FBXL7: variants seen among roughly 807,000 people sequenced by gnomAD.
FBXL7 encodes the protein F-box/LRR-repeat protein 7.
A neutral mutation model predicts 38.3 loss-of-function variants in FBXL7; 12 were observed. The ratio of observed to expected loss-of-function variants is 0.31; its 90% CI spans 0.20 to 0.51. The LOEUF (loss-of-function observed/expected upper bound fraction) is 0.51, where lower values mean the gene tolerates loss of function less well. Among genes scored for constraint, FBXL7 ranks in the 20% least tolerant of loss-of-function variants. FBXL7 has a pLI of 0.98. For synonymous variants in FBXL7, 297 were observed against 300.9 expected (o/e 0.99, Z 0.13); for missense variants, 567 against 676.4 (o/e 0.84, Z 1.79).
At chr5:15,797,383 T>G (rs1210072399) in intron 2 of FBXL7, among the ~76,000 whole-genome samples, 1 of 152,236 alleles carries the variant, frequency 6.6e-6, no homozygotes, top group Non-Finnish European at 1.5e-5. Context: ...GCCTGTGGTT[T>G]GAAAGTGCTT....
chr5:15,548,379 T>A (rs916465159), intron 1 of FBXL7, among the ~76,000 whole-genome samples: 1 of 152,220 alleles, frequency 6.6e-6, no homozygotes, highest in Non-Finnish European at 1.5e-5. Context: ...TTAATTGACA[T>A]ACCTCATTAA....
At chr5:15,595,149 A>G (rs1739591286) in intron 1 of FBXL7, among the ~76,000 whole-genome samples, 1 of 152,178 alleles carries the variant, frequency 6.6e-6, no homozygotes, top group Admixed American at 6.5e-5. Context: ...CAGTGAGAAA[A>G]TATACATAAA....
At chr5:15,770,452 A>C (rs762921578) in intron 2 of FBXL7, among the ~76,000 whole-genome samples, 1 of 152,200 alleles carries the variant, frequency 6.6e-6, no homozygotes, top group Non-Finnish European at 1.5e-5. Context: ...ACCCACCTTG[A>C]ATACAGCTAT....
chr5:15,668,335 G>C (rs1742351791), intron 2 of FBXL7, among the ~76,000 whole-genome samples: 1 of 151,220 alleles, frequency 6.6e-6, no homozygotes, highest in South Asian at 2.1e-4. Flanking sequence ...TAGCTTCCTA[G>C]TATCCATTCC....
intron 2 of FBXL7, among the ~76,000 whole-genome samples, chr5:15,668,099 CAACCTGATGAGCCATCT>C (rs1561077467): frequency 6.6e-6 from 1 of 152,196 alleles, no homozygotes; most frequent in African/African-American, 2.4e-5. Flanking sequence ...ACTGCAGATC[CAACCTGATGAGCCATCT>C]AATCCAGCAG....
At chr5:15,833,444 A>G (rs1738510558) in intron 2 of FBXL7, among the ~76,000 whole-genome samples, 1 of 152,188 alleles carries the variant, frequency 6.6e-6, no homozygotes, top group Non-Finnish European at 1.5e-5. Context: ...GATTAGTGAA[A>G]TTTCAACATA....
chr5:15,728,575 T>C (rs1339640043), intron 2 of FBXL7, among the ~76,000 whole-genome samples: 1 of 152,168 alleles, frequency 6.6e-6, no homozygotes, highest in African/African-American at 2.4e-5. Flanking sequence ...GAGTCAATTA[T>C]GTTCTACAAT....
Position 15,733,578 on chromosome 5 carries a change from C to T in FBXL7, c.127+117506C>T, listed in dbSNP as rs1421360871. Among the ~76,000 whole-genome samples the T allele has an allele frequency of 3.9e-5, 6 of 152,010 alleles. No individual in the cohort carries two copies. In the East Asian group the frequency reaches 1.2e-3, roughly 29 times the overall value. The stretch of plus-strand genomic sequence containing the variant: ...CAAAAATGACTGAAACATAACTGTC[C>T]TAATACAACCTGTAGGCCTATAAAA... On this transcript the variant is annotated intron_variant, in intron 2 of 3. Coordinates refer to ENST00000504595, the MANE Select transcript of FBXL7 (RefSeq NM_012304.5).
chr5:15,874,365 G>A (rs1740109429), intron 2 of FBXL7, among the ~76,000 whole-genome samples: 1 of 152,164 alleles, frequency 6.6e-6, no homozygotes, highest in Non-Finnish European at 1.5e-5. Context: ...ACAGGACAAG[G>A]ATGCCCTCTC....
intron 2 of FBXL7, among the ~76,000 whole-genome samples, chr5:15,715,154 C>CTA (rs1249734437): frequency 2.0e-5 from 3 of 151,978 alleles, no homozygotes; most frequent in African/African-American, 7.3e-5. Context: ...CAATAGGAAA[C>CTA]TATATATATT....
rs184226846 is a variant in FBXL7 at position 15,810,199 on chromosome 5, A to G, written c.128-117691A>G. Among the ~76,000 whole-genome samples, 39 of 152,308 alleles carry G rather than the reference A, an allele frequency of 2.6e-4. No individual in the cohort carries two copies. The East Asian group carries it at 3.5e-3, about 14-fold the overall frequency. ...TATTTTTTTCTAGTTCTTTCTCACC[A>G]CAAATAATATCAAGAAGGTGAATAA... On this transcript the variant is annotated intron_variant, in intron 2 of 3. Transcript: ENST00000504595.
At chr5:15,626,839 A>G (rs148231388) in intron 2 of FBXL7, among the ~76,000 whole-genome samples, 1 of 152,290 alleles carries the variant, frequency 6.6e-6, no homozygotes, top group Admixed American at 6.5e-5. Flanking sequence ...GAAAGCTTGC[A>G]TCATTCCTAA....
At chr5:15,606,018 ATC>A (rs1424995713) in intron 1 of FBXL7, among the ~76,000 whole-genome samples, 2 of 152,204 alleles carry the variant, frequency 1.3e-5, no homozygotes, top group African/African-American at 2.4e-5. Context: ...TGTAATTTTT[ATC>A]TGTCAATTAA....
intron 1 of FBXL7, among the ~76,000 whole-genome samples, chr5:15,520,172 G>A (rs1737059714): frequency 6.6e-6 from 1 of 152,164 alleles, no homozygotes; most frequent in South Asian, 2.1e-4. Flanking sequence ...GTTTTGGTGG[G>A]TTTTGGTTGG....
intron 2 of FBXL7, among the ~76,000 whole-genome samples, chr5:15,616,544 G>A (rs533997988): frequency 6.6e-6 from 1 of 152,062 alleles, no homozygotes; most frequent in Non-Finnish European, 1.5e-5. Context: ...GAAAAAAGGG[G>A]GTTTCTTTAT....
intron 2 of FBXL7, among the ~76,000 whole-genome samples, chr5:15,644,240 C>G (rs868463829): frequency 1.3e-5 from 2 of 150,814 alleles, no homozygotes; most frequent in Middle Eastern, 3.4e-3. Flanking sequence ...GGGCGGATCA[C>G]CTGAGGTCAG....
intron 1 of FBXL7, among the ~76,000 whole-genome samples, chr5:15,584,194 A>G (rs1022090270): frequency 1.3e-5 from 2 of 152,180 alleles, no homozygotes; most frequent in African/African-American, 4.8e-5. Flanking sequence ...CTAGTCCTCC[A>G]GGCCTGTGAT....
intron 2 of FBXL7, among the ~76,000 whole-genome samples, chr5:15,887,010 A>G (rs1740704270): frequency 6.6e-6 from 1 of 152,200 alleles, no homozygotes. Context: ...GAAAGAGAAA[A>G]AGCTTACCAA....
At chr5:15,556,223 C>T (rs1209349720) in intron 1 of FBXL7, among the ~76,000 whole-genome samples, 7 of 151,928 alleles carry the variant, frequency 4.6e-5, no homozygotes, top group African/African-American at 1.2e-4. Context: ...TTGGAGGCCC[C>T]GGAAAGCTGG....
Sources: allele counts gnomAD v4.1 joint callset (sites outside exome capture counted in the v4.1 genomes callset), GRCh38; gene constraint gnomAD v4.1.1; transcripts MANE v1.5; gene names NCBI Gene and HGNC (gene_info 2026-07-23, HGNC 2026-07-21).